Variants in NIPSNAP2 observed in about 807,000 individuals in gnomAD.
NIPSNAP2 encodes the protein protein NipSnap homolog 2.
In NIPSNAP2, 42 loss-of-function variants were observed where a neutral mutation model predicts 48.4. The observed-to-expected ratio is 0.87, with a 90% CI of 0.68 to 1.12. NIPSNAP2 has a LOEUF of 1.12. Among genes scored for constraint, NIPSNAP2 ranks in the 50% most tolerant of loss-of-function variants. NIPSNAP2 has a pLI of 0.00. For missense variants in NIPSNAP2, 314 were observed against 347.3 expected, an observed-to-expected ratio of 0.90 and a Z score of 0.76; for synonymous variants, 158 against 126.6, an observed-to-expected ratio of 1.25 and a Z score of -1.67.
At chr7:55,996,861 C>G (rs997614628) in intron 8 of NIPSNAP2, among the ~76,000 whole-genome samples, 8 of 151,988 alleles carry the variant, frequency 5.3e-5, no homozygotes, top group African/African-American at 1.9e-4. Context: ...GACCCCATCT[C>G]AAACAAACAA....
intron 8 of NIPSNAP2, among the ~76,000 whole-genome samples, chr7:55,996,722 T>C (rs1264336446): frequency 6.6e-6 from 1 of 152,176 alleles, no homozygotes; most frequent in Non-Finnish European, 1.5e-5. Context: ...ATTCACTAGA[T>C]TGTAAAGCTT....
At chr7:55,996,836 C>G (rs1423765888) in intron 8 of NIPSNAP2, among the ~76,000 whole-genome samples, 1 of 151,810 alleles carries the variant, frequency 6.6e-6, no homozygotes, top group Non-Finnish European at 1.5e-5. Context: ...GAGACCAGCT[C>G]GGGCAACATA....
chr7:55,981,448 A>T, intron 3 of NIPSNAP2, 25 bp from the exon 4 acceptor site: 2 of 1,572,602 alleles, frequency 1.3e-6, no homozygotes, highest in Non-Finnish European at 1.7e-6. Context: ...TTGTTTAATT[A>T]GTGTTGCTGT....
chr7:55,988,422 T>C (rs1245944822), intron 7 of NIPSNAP2, among the ~76,000 whole-genome samples: 2 of 152,154 alleles, frequency 1.3e-5, no homozygotes, highest in Non-Finnish European at 2.9e-5. Flanking sequence ...GGGATACCAG[T>C]TCCTGCACAC....
chr7:55,964,602 C>T lies in NIPSNAP2; in HGVS notation c.-8C>T. ...GCCCGGGCGGTGGGAGCCGAGGCGCCGAGCAAGATGGCGGCGCGAGTGCTG... is the reference window on the plus strand; with the variant it reads ...GCCCGGGCGGTGGGAGCCGAGGCGCTGAGCAAGATGGCGGCGCGAGTGCTG... On this transcript the variant is annotated 5_prime_UTR_variant, in exon 1 of 10. Transcript: ENST00000322090. 9.8e-7 allele frequency: 1 copy of T among 1,019,610 alleles called. No homozygotes were observed. The allele number at this position is 1,019,610 out of a possible 1,614,324, so 63.2% of individuals were successfully genotyped here. A position where few individuals can be genotyped will look rare whatever the true frequency, so the allele number is the denominator to read the frequency against.
chr7:55,984,997 G>A lies in NIPSNAP2; in HGVS notation c.617+119G>A, dbSNP rs190175075. On this transcript the variant is annotated intron_variant, in intron 7 of 9. Coordinates refer to ENST00000322090, the MANE Select transcript of NIPSNAP2 (RefSeq NM_001483.3). ...TACTGTGACTTAACACTGCACTAATGTTTCGTTTGATGTTTTTATTATGAG... is the reference window on the plus strand; with the variant it reads ...TACTGTGACTTAACACTGCACTAATATTTCGTTTGATGTTTTTATTATGAG... 566 of 703,386 alleles carry A rather than the reference G, an allele frequency of 8.0e-4. 2 individuals are homozygous for A. The highest frequency in any genetic ancestry group is 3.4e-3 in the Middle Eastern group (9 of 2,670). 43.6% of individuals were successfully genotyped at this position (703,386 alleles called of 1,614,324 possible). A position where few individuals can be genotyped will look rare whatever the true frequency, so the allele number is the denominator to read the frequency against.
At chr7:55,994,332 GT>G (rs1473643474) in intron 7 of NIPSNAP2, among the ~76,000 whole-genome samples, 1 of 152,106 alleles carries the variant, frequency 6.6e-6, no homozygotes, top group African/African-American at 2.4e-5. Flanking sequence ...TCAGGTTGCT[GT>G]TTTTATTTTT....
chr7:55,994,998 T>C lies in NIPSNAP2; in HGVS notation c.712+10T>C, dbSNP rs774315510. Reference sequence around the variant, plus strand: ...GTGCACCATCTTTGGGGTATCTGTTTTTCCCTTTTCGAGTTACTGGGATTT... The same window carrying C: ...GTGCACCATCTTTGGGGTATCTGTTCTTCCCTTTTCGAGTTACTGGGATTT... On this transcript the variant is annotated intron_variant, in intron 8 of 9. Transcript: ENST00000322090. 2.5e-6 allele frequency: 4 copies of C among 1,610,010 alleles called. No homozygotes were observed. In the African/African-American group the frequency reaches 5.3e-5, roughly 22 times the overall value.
At position 55,996,243 on chromosome 7, in the gene NIPSNAP2, ACCACTGCATTC is replaced by A. The variant is rs1787560978; in HGVS notation, c.713-1121_713-1111del. On this transcript the variant is annotated intron_variant, in intron 8 of 9. Transcript: ENST00000322090. ...GGAGGTTGCAGTGAGCCGAGATCGC[ACCACTGCATTC>A]CAACTTGGGCAACAGAGCAAGACTC... 2.0e-5 allele frequency among the ~76,000 whole-genome samples: 3 copies of A among 149,236 alleles called. No homozygotes were observed. In the South Asian group the frequency reaches 6.4e-4, roughly 32 times the overall value.
intron 1 of NIPSNAP2, among the ~76,000 whole-genome samples, chr7:55,969,995 AAAAAAAAG>A (rs954451271): frequency 6.6e-6 from 1 of 151,770 alleles, no homozygotes; most frequent in Non-Finnish European, 1.5e-5. Context: ...AAAAAAAAAA[AAAAAAAAG>A]ATCATATGAA....
At chr7:55,987,095 T>G (rs1443226058) in intron 7 of NIPSNAP2, among the ~76,000 whole-genome samples, 1 of 148,394 alleles carries the variant, frequency 6.7e-6, no homozygotes, top group African/African-American at 2.5e-5. Context: ...CCTGGGGAGG[T>G]GGAGACTGCA....
chr7:55,974,623 C>T (rs997230770), intron 1 of NIPSNAP2, among the ~76,000 whole-genome samples: 9 of 151,792 alleles, frequency 5.9e-5, no homozygotes, highest in East Asian at 1.9e-4. Context: ...CCGAGGCAGG[C>T]GGATCATGAG....
intron 1 of NIPSNAP2, among the ~76,000 whole-genome samples, chr7:55,972,376 G>T (rs1431144681): frequency 6.7e-6 from 1 of 149,900 alleles, no homozygotes; most frequent in Non-Finnish European, 1.5e-5. Context: ...TCTACTTTGT[G>T]TATCACTAAT....
intron 7 of NIPSNAP2, among the ~76,000 whole-genome samples, chr7:55,985,907 G>A (rs982206493): frequency 6.6e-6 from 1 of 151,982 alleles, no homozygotes; most frequent in African/African-American, 2.4e-5. Flanking sequence ...GATTAGCCGA[G>A]CGTGGTGGTG....
intron 1 of NIPSNAP2, among the ~76,000 whole-genome samples, chr7:55,971,530 A>G (rs929084396): frequency 2.6e-5 from 4 of 152,210 alleles, no homozygotes; most frequent in East Asian, 1.9e-4. Flanking sequence ...GTGCATGATC[A>G]TAGCTCACTA....
intron 1 of NIPSNAP2, among the ~76,000 whole-genome samples, chr7:55,972,501 C>T (rs565223735): frequency 2.7e-5 from 4 of 148,036 alleles, no homozygotes; most frequent in South Asian, 4.3e-4. Flanking sequence ...GGCGTGATCT[C>T]GGCCCACTAC....
At chr7:55,976,581 G>A (rs565640438) in intron 1 of NIPSNAP2, among the ~76,000 whole-genome samples, 2 of 152,252 alleles carry the variant, frequency 1.3e-5, no homozygotes, top group South Asian at 2.1e-4. Context: ...AGTTCAACAT[G>A]CACATAGATA....
At chr7:55,996,399 T>C (rs1787565366) in intron 8 of NIPSNAP2, among the ~76,000 whole-genome samples, 1 of 151,984 alleles carries the variant, frequency 6.6e-6, no homozygotes, top group African/African-American at 2.4e-5. Flanking sequence ...TATTCCTACG[T>C]CAGTGATGTC....
chr7:55,991,578 C>G (rs1375875763), intron 7 of NIPSNAP2, among the ~76,000 whole-genome samples: 2 of 151,794 alleles, frequency 1.3e-5, no homozygotes, highest in Non-Finnish European at 2.9e-5. Flanking sequence ...GAAACCCTGT[C>G]TGTACTAAAA....
Sources: allele counts gnomAD v4.1 joint callset (sites outside exome capture counted in the v4.1 genomes callset), GRCh38; gene constraint gnomAD v4.1.1; transcripts MANE v1.5; gene names NCBI Gene and HGNC (gene_info 2026-07-23, HGNC 2026-07-21).